Variants in LARP1B observed in about 807,000 individuals in gnomAD.
The protein encoded by LARP1B is la-related protein 1B.
In LARP1B, 76 loss-of-function variants were observed where a neutral mutation model predicts 114.2. That is an observed-to-expected ratio of 0.67 (90% CI 0.55 to 0.81). The LOEUF (loss-of-function observed/expected upper bound fraction) is 0.81. LARP1B is among the 30% of genes least tolerant of loss of function. The probability of loss-of-function intolerance (pLI) is 0.00; values close to 1 mark genes in which losing one functional copy is unlikely to be tolerated. For synonymous variants in LARP1B, 345 were observed against 348.0 expected (o/e 0.99, Z 0.10); for missense variants, 1,014 against 1,075.8 (o/e 0.94, Z 0.80).
At chr4:128,172,080 T>C (rs1743964134) in intron 12 of LARP1B, among the ~76,000 whole-genome samples, 1 of 152,170 alleles carries the variant, frequency 6.6e-6, no homozygotes, top group African/African-American at 2.4e-5. Flanking sequence ...AAAAAAAATT[T>C]TTAGCCCTGC....
At chr4:128,094,873 T>C (rs1306014823) in intron 7 of LARP1B, among the ~76,000 whole-genome samples, 2 of 152,004 alleles carry the variant, frequency 1.3e-5, no homozygotes, top group Non-Finnish European at 2.9e-5. Context: ...TGCCTCAGCC[T>C]CCCCAGTAGC....
chr4:128,124,009 T>G (rs1251493129), intron 11 of LARP1B: 2 of 152,240 alleles, frequency 1.3e-5, no homozygotes, highest in Non-Finnish European at 1.5e-5. Flanking sequence ...TCCCCTTTGG[T>G]TCTGATTCTG....
intron 9 of LARP1B, among the ~76,000 whole-genome samples, chr4:128,110,060 C>T (rs1043212038): frequency 4.6e-5 from 7 of 152,058 alleles, no homozygotes; most frequent in African/African-American, 1.7e-4. Flanking sequence ...TGTGCCACCA[C>T]GCTTGGCTTA....
At chr4:128,180,232 A>T (rs1034615822) in intron 15 of LARP1B, among the ~76,000 whole-genome samples, 1 of 152,176 alleles carries the variant, frequency 6.6e-6, no homozygotes, top group Admixed American at 6.5e-5. Context: ...GATTACAGGC[A>T]TGAGCCACCT....
intron 9 of LARP1B, chr4:128,107,538 A>G: frequency 2.2e-6 from 3 of 1,381,936 alleles, no homozygotes; most frequent in Non-Finnish European, 2.8e-6. Context: ...TCTTGTTCTT[A>G]AATTATATGT....
In LARP1B at chr4:128,210,933, A is replaced by T. The variant is rs150796726; in HGVS notation, c.*880A>T. 6.5e-5 allele frequency: 62 copies of T among 952,448 alleles called. No homozygotes were observed. In the African/African-American group the frequency reaches 9.9e-4, roughly 15 times the overall value. The allele number at this position is 952,448 out of a possible 1,614,324, so 59.0% of individuals were successfully genotyped here. ...GCTATTTATACATCTGCAAGTGGGT[A>T]TGTCATAAGGAGTCAGATTATCTTT... On this transcript the variant is annotated 3_prime_UTR_variant, in exon 20 of 20. Coordinates refer to ENST00000326639, the MANE Select transcript of LARP1B (RefSeq NM_018078.4).
intron 11 of LARP1B, among the ~76,000 whole-genome samples, chr4:128,160,632 C>T (rs542787234): frequency 6.6e-6 from 1 of 152,218 alleles, no homozygotes; most frequent in African/African-American, 2.4e-5. Context: ...TGTTATTTAT[C>T]TCTGGCATGT....
At chr4:128,090,048 C>T (rs535273325) in intron 5 of LARP1B, among the ~76,000 whole-genome samples, 7 of 150,290 alleles carry the variant, frequency 4.7e-5, no homozygotes, top group Admixed American at 2.7e-4. Context: ...GCTGGTATTA[C>T]AAGTGTGAGC....
chr4:128,149,617 G>C (rs1233313569), intron 11 of LARP1B, among the ~76,000 whole-genome samples: 1 of 152,172 alleles, frequency 6.6e-6, no homozygotes, highest in East Asian at 1.9e-4. Context: ...ACCTAGGAGA[G>C]AATGATCTTA....
At chr4:128,208,435 C>G (rs1758179879) in intron 19 of LARP1B, among the ~76,000 whole-genome samples, 1 of 151,950 alleles carries the variant, frequency 6.6e-6, no homozygotes, top group Non-Finnish European at 1.5e-5. Context: ...ATTTGTCTTG[C>G]AGTTTTGTGT....
At chr4:128,186,885 G>A (rs1561526801) in intron 15 of LARP1B, among the ~76,000 whole-genome samples, 1 of 152,174 alleles carries the variant, frequency 6.6e-6, no homozygotes, top group Non-Finnish European at 1.5e-5. Context: ...ATGGCTAAAA[G>A]GGGCCCAGAT....
At chr4:128,174,597 T>C (rs1438874819) in intron 12 of LARP1B, among the ~76,000 whole-genome samples, 3 of 152,104 alleles carry the variant, frequency 2.0e-5, no homozygotes, top group Admixed American at 6.5e-5. Flanking sequence ...GCTTTTGATG[T>C]TGGAAATGTT....
At position 128,077,931 on chromosome 4, in the gene LARP1B, T is replaced by A. The variant is rs1303275537; in HGVS notation, c.186T>A (p.Asp62Glu). The change falls in exon 4 of 20, where the codon GAT (aspartate) becomes GAA (glutamate). Residue 62 changes from aspartate (D) to glutamate (E), a missense_variant. Physicochemically the swap from Asp to Glu is conservative, Grantham distance 45 (BLOSUM62 2). Coordinates refer to ENST00000326639, the MANE Select transcript of LARP1B (RefSeq NM_018078.4). The stretch of plus-strand genomic sequence containing the variant: ...GTCCTGGTGAAAACGTCAGTGAGGA[T>A]GAGGCTCAGTCAAGTAATCAACGTA... ...LNGPGENVSE[D>E]EAQSSNQRKR... The A allele has an allele frequency of 3.1e-6, 5 of 1,609,622 alleles. No individual in the cohort carries two copies. The highest frequency in any genetic ancestry group is 3.4e-6 in the Non-Finnish European group (4 of 1,178,922).
chr4:128,196,673 C>T (rs919278602), intron 15 of LARP1B, among the ~76,000 whole-genome samples: 1 of 151,772 alleles, frequency 6.6e-6, no homozygotes, highest in Non-Finnish European at 1.5e-5. Flanking sequence ...CGGCTCACTG[C>T]AACCTCTACC....
intron 11 of LARP1B, among the ~76,000 whole-genome samples, chr4:128,159,015 A>T (rs368420762): frequency 5.1e-5 from 6 of 118,270 alleles, no homozygotes; most frequent in African/African-American, 1.2e-4. Context: ...TAAAAAAAAA[A>T]TTAAAAAAAA....
chr4:128,106,947 C>A (rs1782324322), intron 8 of LARP1B, among the ~76,000 whole-genome samples, 192 bp from the exon 9 acceptor site: 1 of 152,110 alleles, frequency 6.6e-6, no homozygotes, highest in Non-Finnish European at 1.5e-5. Context: ...AGTGGGAGAT[C>A]AGGATATTTG....
At chr4:128,098,962 G>A (rs35799365) in intron 8 of LARP1B, among the ~76,000 whole-genome samples, 1 of 149,898 alleles carries the variant, frequency 6.7e-6, no homozygotes, top group Non-Finnish European at 1.5e-5. Flanking sequence ...ATTTTTATTA[G>A]AGACTTGGCT....
chr4:128,078,003 A>C, intron 4 of LARP1B, 41 bp downstream of exon 4: 3 of 1,377,334 alleles, frequency 2.2e-6, no homozygotes, highest in Non-Finnish European at 2.9e-6. Flanking sequence ...TAGTTTTTGA[A>C]GAAAGTTGTA....
intron 11 of LARP1B, among the ~76,000 whole-genome samples, chr4:128,151,695 C>A (rs537756594): frequency 6.6e-6 from 1 of 151,906 alleles, no homozygotes; most frequent in Non-Finnish European, 1.5e-5. Context: ...CTCTGCCTCC[C>A]GAGTTCAAGT....
Sources: gnomAD v4.1 joint callset for allele counts (sites outside exome capture counted in the v4.1 genomes callset) on GRCh38, gnomAD v4.1.1 for gene constraint, MANE v1.5 for transcripts, NCBI Gene and HGNC (gene_info 2026-07-23, HGNC 2026-07-21) for gene names.